Variants in PRTG observed in about 807,000 individuals in gnomAD.
PRTG encodes immunoglobulin superfamily, DCC subclass, member 5.
In PRTG, 67 loss-of-function variants were observed where a neutral mutation model predicts 122.5. The observed-to-expected ratio is 0.55, with a 90% confidence interval of 0.45 to 0.67. The LOEUF (loss-of-function observed/expected upper bound fraction) is 0.67, where lower values mean the gene tolerates loss of function less well. PRTG is among the 30% of genes least tolerant of loss of function. The probability of loss-of-function intolerance (pLI) is 0.00; values close to 1 mark genes in which losing one functional copy is unlikely to be tolerated. For missense variants in PRTG, 1,435 were observed against 1,415.4 expected, an observed-to-expected ratio of 1.01 and a Z score of -0.22; for synonymous variants, 554 against 501.1, an observed-to-expected ratio of 1.11 and a Z score of -1.41.
At chr15:55,712,655 G>A (rs1271825162) in intron 2 of PRTG, among the ~76,000 whole-genome samples, 9 of 152,132 alleles carry the variant, frequency 5.9e-5, no homozygotes, top group African/African-American at 1.4e-4. Flanking sequence ...TTAGTGCCAA[G>A]TACAGATATA....
chr15:55,741,031 G>C (rs1352722258), intron 1 of PRTG, among the ~76,000 whole-genome samples: 1 of 152,180 alleles, frequency 6.6e-6, no homozygotes, highest in Non-Finnish European at 1.5e-5. Context: ...AAAAGATCTT[G>C]AACAGAGTAA....
intron 2 of PRTG, among the ~76,000 whole-genome samples, chr15:55,724,862 A>G (rs1220278285): frequency 1.3e-5 from 2 of 152,230 alleles, no homozygotes; most frequent in African/African-American, 4.8e-5. Flanking sequence ...AGACATTCGC[A>G]GAGAAACAGC....
chr15:55,738,597 C>A, intron 2 of PRTG: 1 of 688,084 alleles, frequency 1.5e-6, no homozygotes, highest in South Asian at 1.6e-5. Flanking sequence ...AACAAGTTTA[C>A]ATTGGACAAA....
chr15:55,673,244 A>G, intron 10 of PRTG, 127 bp downstream of exon 10: 1 of 721,754 alleles, frequency 1.4e-6, no homozygotes, highest in Non-Finnish European at 2.2e-6. Context: ...TTTTCAATTA[A>G]GTCCATCATC....
At chr15:55,666,170 G>C (rs2059438394) in intron 11 of PRTG, among the ~76,000 whole-genome samples, 1 of 152,230 alleles carries the variant, frequency 6.6e-6, no homozygotes, top group South Asian at 2.1e-4. Context: ...GCAGGATTCA[G>C]TTTCTGGTGA....
At chr15:55,720,482 ATTCT>A (rs1320070462) in intron 2 of PRTG, among the ~76,000 whole-genome samples, 1 of 152,150 alleles carries the variant, frequency 6.6e-6, no homozygotes, top group Non-Finnish European at 1.5e-5. Context: ...TCCTATTGGA[ATTCT>A]TTCTTGCTTC....
intron 15 of PRTG, 39 bp from the exon 16 acceptor site, chr15:55,629,043 C>G: frequency 7.1e-7 from 1 of 1,410,678 alleles, no homozygotes; most frequent in Non-Finnish European, 9.7e-7. Flanking sequence ...GAACATTTAT[C>G]TTTTATTCTT....
chr15:55,671,489 ATTCTT>A (rs1159385460), intron 11 of PRTG, among the ~76,000 whole-genome samples: 1 of 152,036 alleles, frequency 6.6e-6, no homozygotes, highest in Non-Finnish European at 1.5e-5. Context: ...ATATCCATGT[ATTCTT>A]TTCTTTTTTC....
chr15:55,735,456 A>G (rs2031378452), intron 2 of PRTG, among the ~76,000 whole-genome samples: 1 of 152,076 alleles, frequency 6.6e-6, no homozygotes, highest in Non-Finnish European at 1.5e-5. Flanking sequence ...GCTTCCTATT[A>G]TTTTAAATTG....
chr15:55,696,681 G>C (rs965918083), intron 2 of PRTG, among the ~76,000 whole-genome samples: 2 of 152,124 alleles, frequency 1.3e-5, no homozygotes, highest in African/African-American at 4.8e-5. Context: ...AATGTAACAA[G>C]ACAAATGTGA....
Position 55,638,651 on chromosome 15 carries a change from C to T in PRTG, c.2350G>A (p.Gly784Ser). The change falls in exon 14 of 20, where the codon GGT becomes AGT. Residue 784 changes from glycine to serine, a missense_variant. Gly to Ser is a moderately conservative substitution (Grantham distance 56). Coordinates refer to ENST00000389286, the MANE Select transcript of PRTG (RefSeq NM_173814.6). The part of the protein sequence containing the change: ...QTSETHMLVQ[G>S]LEPNTKYEFA... ...TCGTATTTGGTGTTTGGTTCTAGAC[C>T]TTGAACCAACATGTGAGTTTCTGAT... 6.2e-7 allele frequency: 1 copy of T among 1,613,182 alleles called. No individual in the cohort carries two copies.
intron 2 of PRTG, among the ~76,000 whole-genome samples, chr15:55,730,353 C>T (rs1186390923): frequency 2.0e-5 from 3 of 152,092 alleles, no homozygotes; most frequent in Non-Finnish European, 2.9e-5. Flanking sequence ...TCTCCCACCT[C>T]GGCCTCCCAA....
rs1375724347 is a variant in PRTG at position 55,672,538 on chromosome 15, C to T, written c.1948G>A (p.Gly650Ser). The T allele has an allele frequency of 6.2e-7, 1 of 1,613,922 alleles. No individual in the cohort carries two copies. Among genetic ancestry groups the T allele is most frequent in the African/African-American group, 1.3e-5 (1 of 74,882 alleles). ...TCTTCCTTGTAGTACAGCTTGTAGCCCTGAATAGCAGCTGTGTCCTCTACA... is the reference window on the plus strand; with the variant it reads ...TCTTCCTTGTAGTACAGCTTGTAGCTCTGAATAGCAGCTGTGTCCTCTACA... ...QDVEDTAAIQ[G>S]YKLYYKEEGQ... The change falls in exon 11 of 20, where the codon GGC (glycine) becomes AGC (serine). Residue 650 changes from glycine (G) to serine (S), a missense_variant. Coordinates refer to ENST00000389286, the MANE Select transcript of PRTG (RefSeq NM_173814.6).
At chr15:55,664,432 T>TG (rs1347788076) in intron 11 of PRTG, among the ~76,000 whole-genome samples, 11 of 152,190 alleles carry the variant, frequency 7.2e-5, no homozygotes, top group Admixed American at 7.2e-4. Context: ...CGTGAGCCAC[T>TG]GCGCCTGGCC....
In PRTG at chr15:55,627,707, T is replaced by G. The variant is rs535678680; in HGVS notation, c.2807-579A>C. 2.0e-4 allele frequency among the ~76,000 whole-genome samples: 30 copies of G among 152,236 alleles called. 1 individual carries two copies. The South Asian group carries it at 6.2e-3, about 32-fold the overall frequency. ...GCAATCATGAACATCAATTCATAAT[T>G]TATAAAACAGGTACAAAACATAGAT... On this transcript the variant is annotated intron_variant, in intron 16 of 19. Coordinates refer to ENST00000389286, the MANE Select transcript of PRTG (RefSeq NM_173814.6).
intron 2 of PRTG, among the ~76,000 whole-genome samples, chr15:55,733,671 T>A (rs1286136979): frequency 2.0e-5 from 3 of 151,510 alleles, no homozygotes; most frequent in African/African-American, 7.3e-5. Flanking sequence ...TACAAAAAAT[T>A]TAAAAATTAG....
intron 11 of PRTG, among the ~76,000 whole-genome samples, chr15:55,654,353 A>G (rs947228122): frequency 6.6e-6 from 1 of 152,212 alleles, no homozygotes; most frequent in Non-Finnish European, 1.5e-5. Context: ...TATTAAGGCT[A>G]TGTCCACATA....
Position 55,624,330 on chromosome 15 carries a change from G to C in PRTG, c.3093+12C>G. 1 of 1,610,296 alleles carries C rather than the reference G, an allele frequency of 6.2e-7. No individual in the cohort carries two copies. The highest frequency in any genetic ancestry group is 1.1e-5 in the South Asian group (1 of 90,222). On this transcript the variant is annotated intron_variant, in intron 18 of 19. Transcript: ENST00000389286. Reference sequence around the variant, plus strand: ...AAGAACGGCTTATGCAGCAAATCCCGCAGCTCAGTACCTTTGCATCAATGA... The same window carrying C: ...AAGAACGGCTTATGCAGCAAATCCCCCAGCTCAGTACCTTTGCATCAATGA...
chr15:55,656,195 C>T (rs1218509852), intron 11 of PRTG: 2 of 282,018 alleles, frequency 7.1e-6, no homozygotes, highest in South Asian at 3.5e-5. Context: ...ACTGCTTTTC[C>T]CCACAAGAAT....
Sources: gnomAD v4.1 joint callset for allele counts (sites outside exome capture counted in the v4.1 genomes callset) on GRCh38, gnomAD v4.1.1 for gene constraint, MANE v1.5 for transcripts, NCBI Gene and HGNC (gene_info 2026-07-23, HGNC 2026-07-21) for gene names.